Variants in CDK15 observed in about 807,000 individuals in gnomAD.
CDK15 encodes cyclin-dependent kinase 15.
Under a neutral mutation model 60.3 loss-of-function variants are expected in CDK15, and 62 were observed. The ratio of observed to expected loss-of-function variants is 1.03; its 90% CI spans 0.84 to 1.27. The LOEUF (loss-of-function observed/expected upper bound fraction) is 1.27. CDK15 is among the 50% of genes most tolerant of loss of function. The pLI, the probability that CDK15 is intolerant of heterozygous loss-of-function variation, is 0.00. For synonymous variants in CDK15, 194 were observed against 195.7 expected (o/e 0.99, Z 0.07); for missense variants, 541 against 527.8 (o/e 1.03, Z -0.25).
intron 11 of CDK15, among the ~76,000 whole-genome samples, chr2:201,874,984 G>A (rs1336600510): frequency 1.3e-5 from 2 of 152,132 alleles, no homozygotes; most frequent in Non-Finnish European, 2.9e-5. Flanking sequence ...AGTGCTGTGG[G>A]TGGGAGACTT....
chr2:201,890,324 T>A (rs1699600055), intron 12 of CDK15, among the ~76,000 whole-genome samples: 1 of 152,210 alleles, frequency 6.6e-6, no homozygotes, highest in Non-Finnish European at 1.5e-5. Context: ...TCTTTGCTCA[T>A]GCTGATCCCT....
Position 201,890,870 on chromosome 2 carries a change from A to G in CDK15, c.1284A>G (p.Pro428=), listed in dbSNP as rs1699620240. 1 of 1,613,388 alleles carries G rather than the reference A, an allele frequency of 6.2e-7. No individual in the cohort carries two copies. The highest frequency in any genetic ancestry group is 1.7e-5 in the Admixed American group (1 of 59,976). The change falls in exon 13 of 14, where the codon CCA becomes CCG. Residue 428 remains proline, a synonymous_variant. Transcript: ENST00000652192. ...LLASYQKGHH[P]AQFSKCW Reference sequence around the variant, plus strand: ...CCTCCTACCAGAAAGGTCACCACCCAGCCCAGTTTAGCAAATGCTGGTGAA... The same window carrying G: ...CCTCCTACCAGAAAGGTCACCACCCGGCCCAGTTTAGCAAATGCTGGTGAA...
At chr2:201,880,003 CTATT>C in intron 11 of CDK15, 21 bp from the exon 12 acceptor site, 1 of 1,612,202 alleles carries the variant, frequency 6.2e-7, no homozygotes, top group Non-Finnish European at 8.5e-7. Context: ...TGGAGAAACT[CTATT>C]TTTCTCTCCC....
chr2:201,878,380 C>G (rs1353052275), intron 11 of CDK15, among the ~76,000 whole-genome samples: 1 of 151,838 alleles, frequency 6.6e-6, no homozygotes, highest in Middle Eastern at 3.2e-3. Flanking sequence ...GCTTCTCCCT[C>G]CCACTCTAGG....
At chr2:201,814,168 C>T (rs750559787) in intron 4 of CDK15, among the ~76,000 whole-genome samples, 2 of 152,202 alleles carry the variant, frequency 1.3e-5, no homozygotes, top group African/African-American at 2.4e-5. Context: ...AACAGTGAAA[C>T]CTTTTGCCAG....
intron 10 of CDK15, chr2:201,860,801 T>C: frequency 1.5e-6 from 2 of 1,352,188 alleles, no homozygotes; most frequent in Non-Finnish European, 2.0e-6. Flanking sequence ...ACTGCAGCAA[T>C]GCAGCCTTGT....
At chr2:201,828,734 C>A (rs1348085463) in intron 6 of CDK15, among the ~76,000 whole-genome samples, 2 of 152,188 alleles carry the variant, frequency 1.3e-5, no homozygotes, top group African/African-American at 2.4e-5. Context: ...CCATCCCAGG[C>A]AAGCCACCCT....
chr2:201,813,551 G>T (rs1695864769), intron 4 of CDK15, among the ~76,000 whole-genome samples: 1 of 152,170 alleles, frequency 6.6e-6, no homozygotes, highest in Non-Finnish European at 1.5e-5. Context: ...TGGATGCTGT[G>T]AAGGATGAGA....
intron 11 of CDK15, among the ~76,000 whole-genome samples, chr2:201,877,409 C>CACCT (rs1262563436): frequency 2.0e-5 from 3 of 152,092 alleles, no homozygotes; most frequent in Non-Finnish European, 2.9e-5. Context: ...TGCTCCCCAC[C>CACCT]ACCTACCCGC....
chr2:201,856,112 G>A (rs902472651), intron 10 of CDK15, among the ~76,000 whole-genome samples: 13 of 152,170 alleles, frequency 8.5e-5, no homozygotes, highest in Non-Finnish European at 1.9e-4. Context: ...ACAGGCATGA[G>A]CCAGCGCGCC....
intron 8 of CDK15, among the ~76,000 whole-genome samples, chr2:201,835,972 A>ATG (rs1697005739): frequency 9.9e-6 from 1 of 100,958 alleles, no homozygotes; most frequent in Non-Finnish European, 1.9e-5. Context: ...ATATTTATAT[A>ATG]TTTATATATT....
chr2:201,888,433 C>G, intron 12 of CDK15: 2 of 1,530,894 alleles, frequency 1.3e-6, no homozygotes, highest in Non-Finnish European at 1.7e-6. Context: ...TTTTTAAACA[C>G]CCGCTTTCAT....
chr2:201,882,227 CAGAG>C lies in CDK15; in HGVS notation c.1198+2064_1198+2067del, dbSNP rs1177440917. 8.7e-5 allele frequency among the ~76,000 whole-genome samples: 13 copies of C among 149,652 alleles called. No individual in the cohort carries two copies. Among genetic ancestry groups the C allele is most frequent in the East Asian group, 6.1e-4 (3 of 4,890 alleles). ...TGTGTGTGTGTGTGTGAGAGAGAGA[CAGAG>C]AGAACAATCTGTATTCCTTCCCTGT... On this transcript the variant is annotated intron_variant, in intron 12 of 13. Coordinates refer to ENST00000652192, the MANE Select transcript of CDK15 (RefSeq NM_001366386.2). The surrounding 1 kb of genome is among the most constrained non-coding windows in gnomAD (Gnocchi z 4.0).
chr2:201,817,612 A>G (rs1696050958), intron 4 of CDK15, among the ~76,000 whole-genome samples: 1 of 152,212 alleles, frequency 6.6e-6, no homozygotes, highest in Non-Finnish European at 1.5e-5. Context: ...CATATATGAG[A>G]AAACTGAGCC....
Position 201,827,359 on chromosome 2 carries a change from C to T in CDK15, c.606+3632C>T, listed in dbSNP as rs184850905. 3.9e-3 allele frequency among the ~76,000 whole-genome samples: 598 copies of T among 152,256 alleles called. 3 individuals carry two copies. Among genetic ancestry groups the T allele is most frequent in the Non-Finnish European group, 5.4e-3 (370 of 68,028 alleles). On this transcript the variant is annotated intron_variant, in intron 6 of 13. Transcript: ENST00000652192. ...TACCTGGGAGGCTAGGTGGGTGGAT[C>T]GCTTGAGCACAGGAGTTTGAGGCTA...
chr2:201,836,294 C>T lies in CDK15; in HGVS notation c.851+531C>T, dbSNP rs187941917. Among the ~76,000 whole-genome samples the T allele has an allele frequency of 1.4e-3, 204 of 146,020 alleles. 3 individuals carry two copies. Among genetic ancestry groups the T allele is most frequent in the African/African-American group, 4.9e-3 (193 of 39,426 alleles). ...TCTCAGCTCACTGCAACCTCCACCT[C>T]CCAGATTCAAGCAATTCTCCTGCCT... On this transcript the variant is annotated intron_variant, in intron 8 of 13. Transcript: ENST00000652192.
In CDK15 at chr2:201,886,372, C is replaced by G. The variant is rs191100118; in HGVS notation, c.1199-4413C>G. Among the ~76,000 whole-genome samples, 8 of 150,452 alleles carry G rather than the reference C, an allele frequency of 5.3e-5. No homozygotes were observed. The East Asian group carries it at 1.6e-3, about 29-fold the overall frequency. ...TGGACTTTTGCTCTTGTCGCCCAGG[C>G]TGGAGCGCAATGGCATGATCTTGGC... On this transcript the variant is annotated intron_variant, in intron 12 of 13. Transcript: ENST00000652192.
At chr2:201,836,760 TACTC>T (rs1697109708) in intron 8 of CDK15, among the ~76,000 whole-genome samples, 1 of 147,640 alleles carries the variant, frequency 6.8e-6, no homozygotes, top group Non-Finnish European at 1.5e-5. Context: ...TGCATGAACA[TACTC>T]ACACATGTCC....
intron 10 of CDK15, among the ~76,000 whole-genome samples, chr2:201,868,353 C>T (rs895184330): frequency 6.6e-6 from 1 of 152,188 alleles, no homozygotes; most frequent in Non-Finnish European, 1.5e-5. Flanking sequence ...TGAGGTTAAG[C>T]AATATCTTCC....
Sources: gnomAD v4.1 joint callset for allele counts (sites outside exome capture counted in the v4.1 genomes callset) on GRCh38, gnomAD v4.1.1 for gene constraint, Gnocchi (gnomAD v3.1) non-coding constraint, MANE v1.5 for transcripts, NCBI Gene and HGNC (gene_info 2026-07-23, HGNC 2026-07-21) for gene names.